The following EXOC1 variants were observed in gnomAD, a reference collection of about 807,000 sequenced individuals.
The protein encoded by EXOC1 is SEC3-like 1.
In EXOC1, 67 loss-of-function variants were observed where a neutral mutation model predicts 107.7. The ratio of observed to expected loss-of-function variants is 0.62; its 90% CI spans 0.51 to 0.76. The LOEUF (loss-of-function observed/expected upper bound fraction) is 0.76. EXOC1 is among the 30% of genes least tolerant of loss of function. The probability of loss-of-function intolerance (pLI) is 0.00; values close to 1 mark genes in which losing one functional copy is unlikely to be tolerated. For missense variants in EXOC1, 833 were observed against 1,055.7 expected (o/e 0.79, Z 2.92); for synonymous variants, 348 against 353.5 (o/e 0.98, Z 0.17).
intron 17 of EXOC1, among the ~76,000 whole-genome samples, chr4:55,901,911 A>G (rs1191350647): frequency 6.6e-6 from 1 of 152,276 alleles, no homozygotes; most frequent in Non-Finnish European, 1.5e-5. Context: ...TACAAAAAAA[A>G]TTTATGACAA....
chr4:55,873,052 A>G (rs1285512196), intron 8 of EXOC1, among the ~76,000 whole-genome samples: 1 of 152,132 alleles, frequency 6.6e-6, no homozygotes, highest in Non-Finnish European at 1.5e-5. Context: ...AGTAATAAAT[A>G]GTAATATTAC....
intron 11 of EXOC1, among the ~76,000 whole-genome samples, chr4:55,889,995 TG>T (rs1724326102): frequency 6.6e-6 from 1 of 152,230 alleles, no homozygotes; most frequent in African/African-American, 2.4e-5. Flanking sequence ...TCCCGTTCTA[TG>T]GATCTGTGTA....
rs1026806915 is a variant in EXOC1 at position 55,905,024 on chromosome 4, GATA to G, written c.*533_*535del. On this transcript the variant is annotated 3_prime_UTR_variant, in exon 19 of 19. Transcript: ENST00000381295. Reference sequence around the variant, plus strand: ...TAAATTTTCAAAAAAGTTGACATTTGATAATATTTTTAGGTCTATCATATGCTG... The same window carrying G: ...TAAATTTTCAAAAAAGTTGACATTTGATATTTTTAGGTCTATCATATGCTG... The G allele has an allele frequency of 1.3e-5, 2 of 152,204 alleles. No homozygotes were observed. The highest frequency in any genetic ancestry group is 4.8e-5 in the African/African-American group (2 of 41,430). The allele number at this position is 152,204 out of a possible 1,614,324, so 9.4% of individuals were successfully genotyped here. A position where few individuals can be genotyped will look rare whatever the true frequency, so the allele number is the denominator to read the frequency against.
At chr4:55,887,671 C>G (rs905198216) in intron 10 of EXOC1, among the ~76,000 whole-genome samples, 4 of 150,798 alleles carry the variant, frequency 2.7e-5, no homozygotes, top group African/African-American at 9.8e-5. Flanking sequence ...GTAGGAGGAT[C>G]ACTTGAGCCC....
At position 55,856,151 on chromosome 4, in the gene EXOC1, G is replaced by T. The variant is rs74804933; in HGVS notation, c.-10-2163G>T. On this transcript the variant is annotated intron_variant, in intron 1 of 18. Coordinates refer to ENST00000381295, the MANE Select transcript of EXOC1 (RefSeq NM_001024924.2). ...GAAAGTCTAACTTTCACTGGATGTA[G>T]ATATTTGTAATGCACGCAATGAGCG... is the stretch of plus-strand genomic sequence containing the variant. Among the ~76,000 whole-genome samples, 829 of 152,372 alleles carry T rather than the reference G, an allele frequency of 5.4e-3. 2 individuals carry two copies. The highest frequency in any genetic ancestry group is 0.012 in the South Asian group (57 of 4,824).
At position 55,864,358 on chromosome 4, in the gene EXOC1, T is replaced by C. The variant is rs1284750611; in HGVS notation, c.387T>C (p.Phe129=). ...NQRYLRKKID[F]VNVSSQLLEE... ...GATATCTCCGGAAGAAAATTGATTT[T>C]GTCAATGTTAGCTCACAGCTTTTGG... The change falls in exon 4 of 19, where the codon TTT becomes TTC. Residue 129 remains phenylalanine, a synonymous_variant. Transcript: ENST00000381295. The C allele has an allele frequency of 2.5e-6, 4 of 1,609,566 alleles. No homozygotes were observed. Among genetic ancestry groups the C allele is most frequent in the South Asian group, 1.1e-5 (1 of 89,408 alleles).
intron 4 of EXOC1, among the ~76,000 whole-genome samples, chr4:55,866,150 G>A (rs931440884): frequency 6.6e-6 from 1 of 152,060 alleles, no homozygotes; most frequent in Non-Finnish European, 1.5e-5. Context: ...CAGTTTAAGA[G>A]CTCAATAATT....
intron 8 of EXOC1, among the ~76,000 whole-genome samples, chr4:55,874,824 T>C (rs1376227107): frequency 1.3e-5 from 2 of 152,164 alleles, no homozygotes; most frequent in Admixed American, 1.3e-4. Flanking sequence ...GAGAATCTGG[T>C]CAGTTTACAC....
At position 55,870,868 on chromosome 4, in the gene EXOC1, A is replaced by G; in HGVS notation, c.794A>G (p.Asn265Ser). The change falls in exon 6 of 19, where the codon AAT becomes AGT. Residue 265 changes from asparagine (N) to serine (S), a missense_variant. By Grantham distance (46) the Asn-to-Ser change is conservative. Around this residue, in one of 2 missense-constraint regions of EXOC1, gnomAD observed 617 missense variants for 701.3 expected, o/e 0.88. Coordinates refer to ENST00000381295, the MANE Select transcript of EXOC1 (RefSeq NM_001024924.2). Reference sequence around the variant, plus strand: ...CACCTAATTCATCTTAGTAACACTAATAATGTAAAACTCCTATCTGAGATA... The same window carrying G: ...CACCTAATTCATCTTAGTAACACTAGTAATGTAAAACTCCTATCTGAGATA... ...SNHLIHLSNT[N>S]NVKLLSEIEF... 6.2e-7 allele frequency: 1 copy of G among 1,613,904 alleles called. No homozygotes were observed. Among genetic ancestry groups the G allele is most frequent in the Admixed American group, 1.7e-5 (1 of 59,998 alleles).
intron 18 of EXOC1, among the ~76,000 whole-genome samples, chr4:55,903,176 A>G (rs1178759351): frequency 1.0e-4 from 15 of 149,828 alleles, no homozygotes; most frequent in Non-Finnish European, 1.8e-4. Context: ...AAAGAAAGAA[A>G]GAAAAAGAAA....
At chr4:55,890,175 T>A in intron 11 of EXOC1, 48 bp from the exon 12 acceptor site, 1 of 1,573,416 alleles carries the variant, frequency 6.4e-7, no homozygotes, top group Non-Finnish European at 8.7e-7. Flanking sequence ...ATACTTTGGA[T>A]CATTTATTTG....
chr4:55,860,006 G>A (rs951241171), intron 2 of EXOC1, among the ~76,000 whole-genome samples: 2 of 152,114 alleles, frequency 1.3e-5, no homozygotes, highest in Non-Finnish European at 2.9e-5. Flanking sequence ...GATCGCTGGA[G>A]CCCAGGAGTT....
chr4:55,877,763 TA>T, intron 8 of EXOC1, 153 bp from the exon 9 acceptor site: 1 of 983,800 alleles, frequency 1.0e-6, no homozygotes, highest in Non-Finnish European at 1.2e-6. Flanking sequence ...GTTGTGTAAG[TA>T]TTTGGTTTTT....
chr4:55,872,847 GTTT>G, intron 8 of EXOC1: 1 of 708,346 alleles, frequency 1.4e-6, no homozygotes. Flanking sequence ...CTCTGATTCT[GTTT>G]TTTTTTTTCT....
intron 17 of EXOC1, among the ~76,000 whole-genome samples, chr4:55,901,457 C>T (rs1382596194): frequency 6.6e-6 from 1 of 151,560 alleles, no homozygotes; most frequent in Non-Finnish European, 1.5e-5. Flanking sequence ...TACAGTTATG[C>T]CAGTCAATAA....
intron 4 of EXOC1, 73 bp downstream of exon 4, chr4:55,864,459 A>G (rs1721774275): frequency 3.3e-6 from 4 of 1,219,080 alleles, no homozygotes; most frequent in East Asian, 2.6e-5. Flanking sequence ...ACATCATTCA[A>G]ATTAATTAGA....
intron 8 of EXOC1, among the ~76,000 whole-genome samples, chr4:55,874,314 A>G (rs1463138290): frequency 6.6e-6 from 1 of 152,184 alleles, no homozygotes; most frequent in Non-Finnish European, 1.5e-5. Flanking sequence ...TAAAAGAAAT[A>G]AAATTCGGAG....
intron 17 of EXOC1, 44 bp downstream of exon 17, chr4:55,899,928 TA>T: frequency 6.6e-7 from 1 of 1,518,480 alleles, no homozygotes; most frequent in Non-Finnish European, 9.0e-7. Flanking sequence ...TTTGAACCTA[TA>T]CACATAAGTT....
In EXOC1 at chr4:55,871,930, G is replaced by T. The variant is rs1274957180; in HGVS notation, c.1046G>T (p.Ser349Ile). 2 of 1,613,756 alleles carry T rather than the reference G, an allele frequency of 1.2e-6. No homozygotes were observed. Among genetic ancestry groups the T allele is most frequent in the African/African-American group, 2.7e-5 (2 of 75,002 alleles). Residue 349 changes from serine (S) to isoleucine (I), a missense_variant, in exon 8 of 19, where the codon AGT becomes ATT. Ser to Ile is a moderately radical substitution (Grantham distance 142). Transcript: ENST00000381295. ...LRELFARRLA[S>I]HLNNVFVQQG... is the part of the protein sequence containing the mutation. ...GAGCTTTTTGCCCGGAGACTGGCCA[G>T]TCACCTCAACAATGTTTTTGTTCAA...
Sources: gnomAD v4.1 joint callset for allele counts (sites outside exome capture counted in the v4.1 genomes callset) on GRCh38, gnomAD v4.1.1 for gene constraint, gnomAD v4.1.1 regional missense constraint, MANE v1.5 for transcripts, NCBI Gene and HGNC (gene_info 2026-07-23, HGNC 2026-07-21) for gene names.